Variants in UIMC1 observed in about 807,000 individuals in gnomAD.
UIMC1 encodes the protein ubiquitin interaction motif containing 1.
UIMC1 carries 42 observed loss-of-function variants against 84.9 expected under a neutral mutation model. That is an observed-to-expected ratio of 0.49 (90% CI 0.39 to 0.64). The LOEUF (loss-of-function observed/expected upper bound fraction) is 0.64, where lower values mean the gene tolerates loss of function less well. UIMC1 is among the 30% of genes least tolerant of loss of function. The pLI, the probability that UIMC1 is intolerant of heterozygous loss-of-function variation, is 0.00. For synonymous variants in UIMC1, 281 were observed against 293.0 expected, an observed-to-expected ratio of 0.96 and a Z score of 0.42; for missense variants, 825 against 847.6, an observed-to-expected ratio of 0.97 and a Z score of 0.33.
chr5:176,968,466 AGG>A (rs1414690327), intron 6 of UIMC1, 87 bp downstream of exon 6: 1 of 1,490,470 alleles, frequency 6.7e-7, no homozygotes, highest in Non-Finnish European at 9.0e-7. Context: ...ATAATCAAGG[AGG>A]GGAAGACCAC....
At chr5:176,965,806 C>T (rs1768208443) in intron 6 of UIMC1, among the ~76,000 whole-genome samples, 1 of 152,238 alleles carries the variant, frequency 6.6e-6, no homozygotes, top group South Asian at 2.1e-4. Flanking sequence ...TACTTTCAAA[C>T]TTGACACAAC....
intron 9 of UIMC1, among the ~76,000 whole-genome samples, chr5:176,949,410 A>T (rs1039595788): frequency 6.6e-6 from 1 of 152,244 alleles, no homozygotes; most frequent in Non-Finnish European, 1.5e-5. Context: ...TCTCGTCTGC[A>T]GTCATGGATG....
chr5:176,981,366 G>A (rs112439119), intron 2 of UIMC1, among the ~76,000 whole-genome samples: 4,207 of 151,998 alleles, frequency 0.028, 212 homozygotes, highest in African/African-American at 0.096. Context: ...GGATGGTCTC[G>A]ATCTCCTGAC....
intron 1 of UIMC1, among the ~76,000 whole-genome samples, chr5:177,005,357 G>C (rs1242677700): frequency 6.6e-6 from 1 of 152,088 alleles, no homozygotes; most frequent in African/African-American, 2.4e-5. Context: ...GTATAGGAGT[G>C]AGCCACCAGG....
chr5:176,968,550 CT>C lies in UIMC1; in HGVS notation c.1200+4del, dbSNP rs1768674835. ...ATCCTTAATTACAGCATCACTGACC[CT>C]TACCTGACCATGACTGGTTGTTGGT... On this transcript the variant is annotated splice_donor_region_variant and intron_variant, in intron 6 of 14. Transcript: ENST00000511320. The C allele has an allele frequency of 6.2e-7, 1 of 1,600,670 alleles. No homozygotes were observed. The highest frequency in any genetic ancestry group is 1.3e-5 in the African/African-American group (1 of 74,084).
intron 9 of UIMC1, among the ~76,000 whole-genome samples, chr5:176,943,784 ATATG>A (rs1163745165): frequency 2.6e-5 from 4 of 152,224 alleles, no homozygotes; most frequent in Non-Finnish European, 4.4e-5. Context: ...TAAACACTCT[ATATG>A]TATTACTCAT....
chr5:176,908,631 G>A lies in UIMC1; in HGVS notation c.1740C>T (p.Asp580=). 6.2e-7 allele frequency: 1 copy of A among 1,614,186 alleles called. No homozygotes were observed. The highest frequency in any genetic ancestry group is 8.5e-7 in the Non-Finnish European group (1 of 1,180,018). Residue 580 remains aspartate (D), a synonymous_variant, in exon 12 of 15, where the codon GAC becomes GAT. Transcript: ENST00000511320. ...CAGCCTTTGCAAGCTGGAGACAGGAGTCCACATGACACTGATACTCTCTAA... is the reference window on the plus strand; with the variant it reads ...CAGCCTTTGCAAGCTGGAGACAGGAATCCACATGACACTGATACTCTCTAA... ...VPFREYQCHV[D]SCLQLAKADQ... is the part of the protein sequence containing the mutation.
At chr5:177,000,498 C>CTTTTTTTTTTTTTTT (rs966855813) in intron 1 of UIMC1, among the ~76,000 whole-genome samples, 5 of 113,360 alleles carry the variant, frequency 4.4e-5, no homozygotes, top group African/African-American at 1.2e-4. Context: ...ACTTGCATGT[C>CTTTTTTTTTTTTTTT]TTTTTTTTTT....
intron 9 of UIMC1, among the ~76,000 whole-genome samples, chr5:176,949,985 G>T (rs1173652916): frequency 6.6e-6 from 1 of 151,750 alleles, no homozygotes; most frequent in Admixed American, 6.6e-5. Flanking sequence ...ACTCCGGGAG[G>T]TGGAGATTGC....
intron 1 of UIMC1, among the ~76,000 whole-genome samples, chr5:176,983,244 CCCCTCCTCCTCT>C (rs1771323876): frequency 6.6e-6 from 1 of 151,988 alleles, no homozygotes; most frequent in Admixed American, 6.6e-5. Context: ...TCTCCCCCTC[CCCCTCCTCCTCT>C]CCCTCCTTTC....
At chr5:176,982,031 A>G (rs992367984) in intron 2 of UIMC1, among the ~76,000 whole-genome samples, 1 of 152,236 alleles carries the variant, frequency 6.6e-6, no homozygotes, top group Admixed American at 6.5e-5. Flanking sequence ...GTCTTTAATC[A>G]CTTGAAATGT....
At chr5:176,930,182 T>C (rs528940110) in intron 10 of UIMC1, among the ~76,000 whole-genome samples, 32 of 152,324 alleles carry the variant, frequency 2.1e-4, no homozygotes, top group Non-Finnish European at 3.7e-4. Flanking sequence ...GGATTCCATC[T>C]CTCTGCCTCC....
chr5:176,980,671 T>G (rs1160338253), intron 2 of UIMC1, among the ~76,000 whole-genome samples: 2 of 151,964 alleles, frequency 1.3e-5, no homozygotes, highest in Admixed American at 6.6e-5. Context: ...ATGTATACAA[T>G]TTTTTTTAAC....
chr5:176,997,971 C>T (rs1773879889), intron 1 of UIMC1, among the ~76,000 whole-genome samples: 1 of 152,142 alleles, frequency 6.6e-6, no homozygotes, highest in Non-Finnish European at 1.5e-5. Flanking sequence ...AGAAATCTTT[C>T]TTGGCTCCCC....
chr5:176,992,889 TACAA>T (rs1561905013), intron 1 of UIMC1, among the ~76,000 whole-genome samples: 3 of 151,980 alleles, frequency 2.0e-5, no homozygotes, highest in South Asian at 4.2e-4. Context: ...ATCCAGAATA[TACAA>T]ACAATTATTG....
In UIMC1 at chr5:176,976,183, T is replaced by C. The variant is rs150354503; in HGVS notation, c.148-703A>G. 2.2e-3 allele frequency among the ~76,000 whole-genome samples: 332 copies of C among 152,118 alleles called. 3 individuals carry two copies. Among genetic ancestry groups the C allele is most frequent in the African/African-American group, 7.5e-3 (310 of 41,492 alleles). On this transcript the variant is annotated intron_variant, in intron 2 of 14. Transcript: ENST00000511320. ...TAATTAAAAAGAATTTTTTTTAAAT[T>C]AGCCAGGCATGGTCCTAGCTACTCA...
At chr5:176,971,414 G>T (rs1202774752) in intron 3 of UIMC1, among the ~76,000 whole-genome samples, 2 of 152,122 alleles carry the variant, frequency 1.3e-5, no homozygotes, top group African/African-American at 4.8e-5. Flanking sequence ...AGCATGAAAT[G>T]AACAAGATGA....
intron 10 of UIMC1, among the ~76,000 whole-genome samples, chr5:176,934,241 A>C (rs535503470): frequency 7.2e-5 from 11 of 152,324 alleles, no homozygotes; most frequent in African/African-American, 2.4e-4. Flanking sequence ...AGATAAAATA[A>C]TTTTATATAG....
intron 1 of UIMC1, among the ~76,000 whole-genome samples, chr5:177,011,803 A>T (rs1337027929): frequency 2.8e-5 from 4 of 143,746 alleles, no homozygotes; most frequent in Non-Finnish European, 4.6e-5. Flanking sequence ...TGAAGATTTA[A>T]TTTTTTTTTT....
Sources: gnomAD v4.1 joint callset for allele counts (sites outside exome capture counted in the v4.1 genomes callset) on GRCh38, gnomAD v4.1.1 for gene constraint, MANE v1.5 for transcripts, NCBI Gene and HGNC (gene_info 2026-07-23, HGNC 2026-07-21) for gene names.